The following CSMD3 variants were observed in gnomAD, a reference collection of about 807,000 sequenced individuals.
CSMD3 encodes CUB and Sushi multiple domains 3, also known as CUB and sushi domain-containing protein 3.
Under a neutral mutation model 435.2 loss-of-function variants are expected in CSMD3, and 177 were observed. That is an observed-to-expected ratio of 0.41 (90% confidence interval 0.36 to 0.46). The LOEUF is 0.46. Ranked by LOEUF, CSMD3 falls within the 20% of genes least tolerant of loss-of-function variation. CSMD3 has a pLI of 0.34. For synonymous variants in CSMD3, 1,656 were observed against 1,520.5 expected, an observed-to-expected ratio of 1.09 and a Z score of -2.07; for missense variants, 4,265 against 4,504.6, an observed-to-expected ratio of 0.95 and a Z score of 1.52.
At chr8:112,604,188 T>C (rs1230574627) in intron 22 of CSMD3, among the ~76,000 whole-genome samples, 1 of 152,160 alleles carries the variant, frequency 6.6e-6, no homozygotes, top group Non-Finnish European at 1.5e-5. Flanking sequence ...TCATAGTAAA[T>C]ATTCAAAAAG....
At chr8:112,852,739 G>T (rs568194039) in intron 11 of CSMD3, among the ~76,000 whole-genome samples, 1 of 151,994 alleles carries the variant, frequency 6.6e-6, no homozygotes, top group Non-Finnish European at 1.5e-5. Context: ...TGGCTAACAC[G>T]GTGAAACCCC....
intron 57 of CSMD3, among the ~76,000 whole-genome samples, chr8:112,287,550 T>C (rs541148205): frequency 6.6e-6 from 1 of 152,268 alleles, no homozygotes; most frequent in African/African-American, 2.4e-5. Context: ...GGAAAATGTG[T>C]AACTGACAGT....
intron 2 of CSMD3, among the ~76,000 whole-genome samples, chr8:113,295,754 C>A (rs1006339120): frequency 3.3e-5 from 5 of 152,106 alleles, no homozygotes; most frequent in Non-Finnish European, 7.4e-5. Context: ...CCTCAGATAT[C>A]TAGAACTAGA....
chr8:112,825,739 C>T (rs1587404873), intron 12 of CSMD3, among the ~76,000 whole-genome samples: 1 of 152,042 alleles, frequency 6.6e-6, no homozygotes, highest in Non-Finnish European at 1.5e-5. Flanking sequence ...TCAAGGGGCA[C>T]CTATCTGATG....
intron 23 of CSMD3, among the ~76,000 whole-genome samples, chr8:112,586,570 T>C (rs897792913): frequency 7.3e-5 from 11 of 151,182 alleles, no homozygotes; most frequent in Admixed American, 3.3e-4. Flanking sequence ...CATTGACTTG[T>C]TAGGTTTATA....
intron 5 of CSMD3, among the ~76,000 whole-genome samples, chr8:113,020,504 T>C (rs1046970801): frequency 6.6e-6 from 1 of 152,162 alleles, no homozygotes; most frequent in Non-Finnish European, 1.5e-5. Context: ...ATCTAACCAT[T>C]TAAATTTTAA....
intron 1 of CSMD3, among the ~76,000 whole-genome samples, chr8:113,331,347 G>C (rs941387142): frequency 1.3e-5 from 2 of 151,362 alleles, no homozygotes; most frequent in Non-Finnish European, 3.0e-5. Context: ...TCATTGGTGA[G>C]TTTTACTAAA....
intron 67 of CSMD3, among the ~76,000 whole-genome samples, chr8:112,235,576 C>T (rs956527359): frequency 2.0e-4 from 18 of 89,750 alleles, no homozygotes; most frequent in African/African-American, 1.0e-3. Flanking sequence ...TAGCTGTAAG[C>T]TGGAGGGAAA....
At chr8:113,204,697 T>A (rs1441385529) in intron 3 of CSMD3, among the ~76,000 whole-genome samples, 1 of 152,148 alleles carries the variant, frequency 6.6e-6, no homozygotes, top group Non-Finnish European at 1.5e-5. Flanking sequence ...ATATTTCATA[T>A]GGTATTTTTA....
At chr8:113,323,028 G>A (rs561196763) in intron 1 of CSMD3, among the ~76,000 whole-genome samples, 19 of 152,196 alleles carry the variant, frequency 1.2e-4, no homozygotes, top group South Asian at 4.2e-4. Flanking sequence ...GATTACAGGC[G>A]TGAGCCACCA....
At chr8:112,514,897 T>A (rs1823511730) in intron 28 of CSMD3, among the ~76,000 whole-genome samples, 1 of 150,728 alleles carries the variant, frequency 6.6e-6, no homozygotes, top group African/African-American at 2.4e-5. Flanking sequence ...TTTTTCAGAC[T>A]TTTTTTTTAA....
intron 32 of CSMD3, among the ~76,000 whole-genome samples, chr8:112,465,705 C>T (rs1190320639): frequency 1.3e-5 from 2 of 151,984 alleles, no homozygotes; most frequent in Admixed American, 6.6e-5. Flanking sequence ...CTGGGTGTGG[C>T]GGTTCACACA....
intron 45 of CSMD3, among the ~76,000 whole-genome samples, chr8:112,326,487 G>A (rs1458921933): frequency 6.6e-6 from 1 of 152,108 alleles, no homozygotes; most frequent in Non-Finnish European, 1.5e-5. Context: ...AGCCAAGATT[G>A]AGTTAAAATA....
intron 1 of CSMD3, chr8:113,376,688 A>C (rs766787382): frequency 3.0e-5 from 49 of 1,610,750 alleles, no homozygotes; most frequent in Non-Finnish European, 3.7e-5. Flanking sequence ...GACACCCGCC[A>C]CAAGGACCGA....
chr8:112,753,783 C>T (rs2077627912), intron 13 of CSMD3, among the ~76,000 whole-genome samples: 1 of 152,174 alleles, frequency 6.6e-6, no homozygotes, highest in Admixed American at 6.5e-5. Context: ...AGAGTTTGCT[C>T]ACCCAATGTA....
At chr8:113,213,511 G>GTT (rs148914391) in intron 3 of CSMD3, among the ~76,000 whole-genome samples, 3 of 146,754 alleles carry the variant, frequency 2.0e-5, no homozygotes, top group African/African-American at 5.0e-5. Flanking sequence ...TCTTTTGTGT[G>GTT]TTTTTTTTTT....
intron 24 of CSMD3, among the ~76,000 whole-genome samples, chr8:112,558,955 A>G (rs1006226751): frequency 1.3e-5 from 2 of 151,930 alleles, no homozygotes; most frequent in Non-Finnish European, 1.5e-5. Flanking sequence ...CTAAATTTTT[A>G]TATTCTACTT....
intron 13 of CSMD3, among the ~76,000 whole-genome samples, chr8:112,696,258 C>A (rs2076253174): frequency 6.6e-6 from 1 of 152,104 alleles, no homozygotes; most frequent in Admixed American, 6.5e-5. Context: ...AAAGGGTCTG[C>A]ATTGCCAATA....
intron 35 of CSMD3, among the ~76,000 whole-genome samples, chr8:112,402,945 T>G (rs1274646532): frequency 6.6e-6 from 1 of 152,158 alleles, no homozygotes; most frequent in South Asian, 2.1e-4. Context: ...TTGTGTTGTA[T>G]GTATTGTGGT....
Sources: gnomAD v4.1 joint callset for allele counts (sites outside exome capture counted in the v4.1 genomes callset) on GRCh38, gnomAD v4.1.1 for gene constraint, MANE v1.5 for transcripts, NCBI Gene and HGNC (gene_info 2026-07-23, HGNC 2026-07-21) for gene names.